LRP5: variants seen among roughly 807,000 people sequenced by gnomAD.
LRP5 encodes LDL receptor related protein 5.
LRP5 carries 62 observed loss-of-function variants against 154.1 expected under a neutral mutation model. The observed-to-expected ratio is 0.40, with a 90% CI of 0.33 to 0.50. The LOEUF (loss-of-function observed/expected upper bound fraction) is 0.50, where lower values mean the gene tolerates loss of function less well. Among genes scored for constraint, LRP5 ranks in the 20% least tolerant of loss-of-function variants. The pLI is 0.55. For missense variants in LRP5, 1,915 were observed against 2,336.7 expected (o/e 0.82, Z 3.72); for synonymous variants, 966 against 1,011.5 (o/e 0.96, Z 0.85).
At chr11:68,328,406 A>G (rs1288615937) in intron 1 of LRP5, among the ~76,000 whole-genome samples, 2 of 152,204 alleles carry the variant, frequency 1.3e-5, no homozygotes, top group Non-Finnish European at 2.9e-5. Flanking sequence ...CCTTCCCCAG[A>G]TGTTCTTTTC....
intron 2 of LRP5, among the ~76,000 whole-genome samples, chr11:68,354,196 CTCTTT>C (rs546282833): frequency 7.7e-4 from 117 of 152,346 alleles, no homozygotes; most frequent in African/African-American, 2.3e-3. Context: ...CATGCTGCAG[CTCTTT>C]TCTTCGGAAG....
chr11:68,399,386 C>A lies in LRP5; in HGVS notation c.1585-4097C>A, dbSNP rs186965583. Among the ~76,000 whole-genome samples, 61 of 151,762 alleles carry A rather than the reference C, an allele frequency of 4.0e-4. No individual in the cohort carries two copies. In the East Asian group the frequency reaches 9.7e-3, roughly 24 times the overall value. On this transcript the variant is annotated intron_variant, in intron 7 of 22. Coordinates refer to ENST00000294304, the MANE Select transcript of LRP5 (RefSeq NM_002335.4). The stretch of plus-strand genomic sequence containing the variant: ...GACCCTGCCTCTTTAAAAAAAAAAA[C>A]CAAAAAACATGTATTGGAACACAGC...
intron 5 of LRP5, among the ~76,000 whole-genome samples, chr11:68,368,250 CAG>C (rs1287744381): frequency 1.3e-5 from 2 of 152,198 alleles, no homozygotes; most frequent in African/African-American, 4.8e-5. Context: ...AGCCGGCACA[CAG>C]ATGGACATAG....
At chr11:68,333,051 G>A (rs75177427) in intron 1 of LRP5, among the ~76,000 whole-genome samples, 1,742 of 152,254 alleles carry the variant, frequency 0.011, 11 homozygotes, top group Non-Finnish European at 0.018. Flanking sequence ...CACTGACTTG[G>A]GTAAAAGCCC....
At chr11:68,301,692 G>A in the LRP5 span, among the ~76,000 whole-genome samples, 1 of 142,898 alleles carries the variant, frequency 7.0e-6, no homozygotes, top group Non-Finnish European at 1.6e-5. Context: ...GTGTGATCTC[G>A]GCTCACTGCA....
chr11:68,393,518 C>T (rs1415437401), intron 7 of LRP5, among the ~76,000 whole-genome samples: 5 of 152,246 alleles, frequency 3.3e-5, no homozygotes, highest in Admixed American at 6.5e-5. Context: ...CTCTGGCTCA[C>T]GCCTGTAATC....
At chr11:68,341,059 C>CTTTTTTTTTTTTCTTTTTTTTTTTTT in intron 1 of LRP5, among the ~76,000 whole-genome samples, 1 of 83,494 alleles carries the variant, frequency 1.2e-5, no homozygotes. Flanking sequence ...GGAGATTGTT[C>CTTTTTTTTTTTTCTTTTTTTTTTTTT]TTTTTTTTTT....
chr11:68,379,218 G>A (rs1001530195), intron 5 of LRP5, among the ~76,000 whole-genome samples: 16 of 152,058 alleles, frequency 1.1e-4, no homozygotes, highest in African/African-American at 2.7e-4. Flanking sequence ...GTCATCACCC[G>A]TCACCTTGAA....
Position 68,414,140 on chromosome 11 carries a change from C to G in LRP5, c.2827+128C>G, listed in dbSNP as rs566844573. ...CATAGATGGTTGGGTAGGTTGTGCA[C>G]TGCACAAGCTGCATGATGCTACCTG... On this transcript the variant is annotated intron_variant, in intron 12 of 22. Coordinates refer to ENST00000294304, the MANE Select transcript of LRP5 (RefSeq NM_002335.4). The G allele has an allele frequency of 2.1e-4, 182 of 856,308 alleles. 1 individual carries two copies. The African/African-American group carries it at 2.7e-3, about 13-fold the overall frequency. 53.0% of individuals were successfully genotyped at this position (856,308 alleles called of 1,614,324 possible).
At position 68,403,473 on chromosome 11, in the gene LRP5, C is replaced by T. The variant is rs200827533; in HGVS notation, c.1585-10C>T. ...GGCCCATCCAGACCTATATTTCTGC[C>T]GTCCTGCAGGTGATCAATGTTGATG... On this transcript the variant is annotated splice_polypyrimidine_tract_variant and intron_variant, in intron 7 of 22. Coordinates refer to ENST00000294304, the MANE Select transcript of LRP5 (RefSeq NM_002335.4). 1.8e-4 allele frequency: 293 copies of T among 1,612,958 alleles called. No individual in the cohort carries two copies. Among genetic ancestry groups the T allele is most frequent in the South Asian group, 1.4e-3 (127 of 91,064 alleles).
intron 1 of LRP5, among the ~76,000 whole-genome samples, chr11:68,327,324 C>T (rs2098600282): frequency 1.3e-5 from 2 of 152,180 alleles, no homozygotes; most frequent in African/African-American, 4.8e-5. Context: ...TGCTGAGGTC[C>T]TGGGAGGCCA....
At chr11:68,345,227 G>A (rs1040086514) in intron 1 of LRP5, among the ~76,000 whole-genome samples, 1 of 151,842 alleles carries the variant, frequency 6.6e-6, no homozygotes, top group African/African-American at 2.4e-5. Context: ...ATTTTGCCCC[G>A]CTATTCATCC....
intron 17 of LRP5, 102 bp downstream of exon 17, chr11:68,429,802 G>A (rs1406635472): frequency 1.3e-6 from 2 of 1,490,350 alleles, no homozygotes; most frequent in African/African-American, 1.4e-5. Context: ...AGTCCCTGTG[G>A]CATCCAGTTT....
chr11:68,445,535 C>G (rs966014467), intron 21 of LRP5: 20 of 1,206,724 alleles, frequency 1.7e-5, no homozygotes, highest in Non-Finnish European at 2.1e-5. Flanking sequence ...CTGAGTCCCT[C>G]GGGCATAACT....
intron 7 of LRP5, among the ~76,000 whole-genome samples, chr11:68,402,573 C>T (rs928004064): frequency 6.6e-6 from 1 of 152,006 alleles, no homozygotes; most frequent in African/African-American, 2.4e-5. Context: ...ATAACTGCCC[C>T]AGGTCCTTAC....
intron 7 of LRP5, among the ~76,000 whole-genome samples, chr11:68,396,589 T>C (rs1470979447): frequency 1.3e-5 from 2 of 152,152 alleles, no homozygotes; most frequent in African/African-American, 4.8e-5. Flanking sequence ...GTAGATGGCA[T>C]TAGAGACGCC....
upstream of LRP5, among the ~76,000 whole-genome samples, chr11:68,312,274 C>A (rs931094484): frequency 9.2e-5 from 14 of 152,058 alleles, no homozygotes; most frequent in Non-Finnish European, 1.6e-4. Context: ...CTTGGGCAAC[C>A]CCGCCCTGCT....
chr11:68,363,668 AAG>A, intron 3 of LRP5, 77 bp from the exon 4 acceptor site: 2 of 1,233,450 alleles, frequency 1.6e-6, no homozygotes, highest in Middle Eastern at 2.1e-4. Flanking sequence ...AAAAAAAAAA[AAG>A]AAATTAATTG....
At chr11:68,406,226 A>G (rs185037411) in intron 8 of LRP5, among the ~76,000 whole-genome samples, 275 of 152,322 alleles carry the variant, frequency 1.8e-3, no homozygotes, top group African/African-American at 6.3e-3. Flanking sequence ...CTTGGTTGCC[A>G]TTGCCAGGTG....
Sources: gnomAD v4.1 joint callset for allele counts (sites outside exome capture counted in the v4.1 genomes callset) on GRCh38, gnomAD v4.1.1 for gene constraint, MANE v1.5 for transcripts, NCBI Gene and HGNC (gene_info 2026-07-23, HGNC 2026-07-21) for gene names.